UNC13C: variants seen among roughly 807,000 people sequenced by gnomAD.
UNC13C encodes the protein protein unc-13 homolog C.
A neutral mutation model predicts 245.4 loss-of-function variants in UNC13C; 174 were observed. The ratio of observed to expected loss-of-function variants is 0.71; its 90% CI spans 0.63 to 0.80. UNC13C has a LOEUF of 0.80. Ranked by LOEUF, UNC13C falls within the 30% of genes least tolerant of loss-of-function variation. The pLI, the probability that UNC13C is intolerant of heterozygous loss-of-function variation, is 0.00. For missense variants in UNC13C, 2,829 were observed against 2,602.9 expected (o/e 1.09, Z -1.89); for synonymous variants, 992 against 895.1 (o/e 1.11, Z -1.93).
chr15:54,432,189 C>T (rs1418416788), intron 19 of UNC13C, among the ~76,000 whole-genome samples: 1 of 151,414 alleles, frequency 6.6e-6, no homozygotes, highest in Non-Finnish European at 1.5e-5. Flanking sequence ...AATCTCTGCC[C>T]TAATAGAGTC....
At chr15:54,355,224 CAAACTT>C (rs1467976163) in intron 17 of UNC13C, among the ~76,000 whole-genome samples, 1 of 152,158 alleles carries the variant, frequency 6.6e-6, no homozygotes, top group Non-Finnish European at 1.5e-5. Flanking sequence ...TCAGCAGAAA[CAAACTT>C]AAAACTTTAC....
the UNC13C span, among the ~76,000 whole-genome samples, chr15:53,962,509 T>C: frequency 2.0e-5 from 3 of 152,310 alleles, no homozygotes; most frequent in South Asian, 2.1e-4. Context: ...GTTCCACCCC[T>C]GTTCTTGCAG....
chr15:53,866,289 T>A, the UNC13C span, among the ~76,000 whole-genome samples: 1 of 152,150 alleles, frequency 6.6e-6, no homozygotes, highest in Non-Finnish European at 1.5e-5. Flanking sequence ...AGAAGGCAGA[T>A]GAATTGCAAT....
chr15:53,868,045 G>A, the UNC13C span, among the ~76,000 whole-genome samples: 1 of 152,240 alleles, frequency 6.6e-6, no homozygotes, highest in East Asian at 1.9e-4. Context: ...ATGTTGCCCA[G>A]ACTGGTCTTG....
chr15:54,215,250 T>A (rs1383756844), intron 4 of UNC13C, among the ~76,000 whole-genome samples: 1 of 151,974 alleles, frequency 6.6e-6, no homozygotes, highest in Non-Finnish European at 1.5e-5. Flanking sequence ...CAGGAGACTG[T>A]TGAAAGCTGC....
At chr15:54,234,533 A>G (rs1485966968) in intron 4 of UNC13C, among the ~76,000 whole-genome samples, 2 of 152,188 alleles carry the variant, frequency 1.3e-5, no homozygotes, top group Non-Finnish European at 2.9e-5. Flanking sequence ...CTTGCGGTAT[A>G]AGGGTAATTA....
In UNC13C at chr15:54,090,959, C is replaced by A. The variant is rs137949850; in HGVS notation, c.2984-52059C>A. ...CTAAGAAGAATTTGAGGCCTCTGTG[C>A]AGAGAGATGAGATGCTCTTGGTGCA... On this transcript the variant is annotated intron_variant, in intron 2 of 32. Transcript: ENST00000260323. Among the ~76,000 whole-genome samples, 1,044 of 151,468 alleles carry A rather than the reference C, an allele frequency of 6.9e-3. 17 individuals are homozygous for A. The highest frequency in any genetic ancestry group is 0.024 in the African/African-American group (1,007 of 41,274).
At chr15:54,554,881 A>G (rs1280902905) in intron 28 of UNC13C, among the ~76,000 whole-genome samples, 1 of 152,094 alleles carries the variant, frequency 6.6e-6, no homozygotes, top group African/African-American at 2.4e-5. Context: ...TTTTAAAATC[A>G]GTTCTAAAAT....
Position 54,270,108 on chromosome 15 carries a change from G to A in UNC13C, c.3818+4612G>A, listed in dbSNP as rs147133149. 5.9e-5 allele frequency among the ~76,000 whole-genome samples: 9 copies of A among 152,138 alleles called. No individual in the cohort carries two copies. The East Asian group carries it at 9.7e-4, about 16-fold the overall frequency. ...CTTATTATACAGGTTCTATATCACT[G>A]GCTCCAGAAATACTATTTTGAAGCT... On this transcript the variant is annotated intron_variant, in intron 10 of 32. Transcript: ENST00000260323.
At chr15:53,974,928 T>A (rs1030774085), upstream of UNC13C, 4 of 152,228 alleles carry the variant, frequency 2.6e-5, no homozygotes, top group African/African-American at 7.2e-5. Context: ...CTAAAATGGC[T>A]CATTCGCATG....
At chr15:54,140,921 G>C (rs892360517) in intron 2 of UNC13C, among the ~76,000 whole-genome samples, 1 of 152,156 alleles carries the variant, frequency 6.6e-6, no homozygotes, top group Non-Finnish European at 1.5e-5. Context: ...AACAAAAAAG[G>C]TTCACTGGCC....
chr15:53,946,192 G>A, the UNC13C span, among the ~76,000 whole-genome samples: 1 of 152,092 alleles, frequency 6.6e-6, no homozygotes, highest in Non-Finnish European at 1.5e-5. Flanking sequence ...CAGATCATTT[G>A]ACTTCCTATA....
chr15:53,872,501 G>T, the UNC13C span, among the ~76,000 whole-genome samples: 1 of 152,014 alleles, frequency 6.6e-6, no homozygotes, highest in East Asian at 1.9e-4. Flanking sequence ...TTTTCATTCC[G>T]CATGTAAAAT....
intron 4 of UNC13C, among the ~76,000 whole-genome samples, chr15:54,144,210 C>G (rs531064463): frequency 1.3e-5 from 2 of 152,148 alleles, no homozygotes; most frequent in African/African-American, 4.8e-5. Context: ...TTCAAGCAGC[C>G]TCGTCTTTAA....
At chr15:54,019,274 T>C (rs551447734) in intron 2 of UNC13C, among the ~76,000 whole-genome samples, 2 of 152,338 alleles carry the variant, frequency 1.3e-5, no homozygotes, top group South Asian at 2.1e-4. Context: ...ACTTCAAAGG[T>C]TGTTTTTATT....
At chr15:54,352,914 T>G (rs958091950) in intron 17 of UNC13C, among the ~76,000 whole-genome samples, 1 of 152,196 alleles carries the variant, frequency 6.6e-6, no homozygotes, top group Non-Finnish European at 1.5e-5. Flanking sequence ...TATCCTGTTT[T>G]ATTGATTTTT....
chr15:54,440,915 G>A (rs973914377), intron 19 of UNC13C, among the ~76,000 whole-genome samples: 3 of 151,984 alleles, frequency 2.0e-5, no homozygotes, highest in African/African-American at 7.2e-5. Flanking sequence ...GATTAGTGAT[G>A]TCGAGCATTT....
At chr15:54,502,960 A>C (rs1255361314) in intron 22 of UNC13C, among the ~76,000 whole-genome samples, 1 of 152,120 alleles carries the variant, frequency 6.6e-6, no homozygotes, top group African/African-American at 2.4e-5. Flanking sequence ...GAACATAGCC[A>C]CAATATGCCT....
In UNC13C at chr15:54,015,902, T is replaced by C. The variant is rs1447003451; in HGVS notation, c.2983+16T>C. The C allele has an allele frequency of 6.5e-7, 1 of 1,531,476 alleles. No homozygotes were observed. The highest frequency in any genetic ancestry group is 1.4e-5 in the African/African-American group (1 of 72,210). 94.9% of individuals were successfully genotyped at this position (1,531,476 alleles called of 1,614,324 possible). ...TTGGCTGGAGGTATTCATGTTTAAA[T>C]GCTACATTGTGAGCTAATTGTGTTT... On this transcript the variant is annotated intron_variant, in intron 2 of 32. Transcript: ENST00000260323.
Sources: allele counts gnomAD v4.1 joint callset (sites outside exome capture counted in the v4.1 genomes callset), GRCh38; gene constraint gnomAD v4.1.1; transcripts MANE v1.5; gene names NCBI Gene and HGNC (gene_info 2026-07-23, HGNC 2026-07-21).